NPNT: variants seen among roughly 807,000 people sequenced by gnomAD.
The protein encoded by NPNT is preosteoblast EGF-like repeat protein with MAM domain.
NPNT carries 45 observed loss-of-function variants against 68.6 expected under a neutral mutation model. The observed-to-expected ratio is 0.66, with a 90% CI of 0.52 to 0.84. The LOEUF is 0.84. Ranked by LOEUF, NPNT falls within the 40% of genes least tolerant of loss-of-function variation. The pLI is 0.00. For missense variants in NPNT, 672 were observed against 714.8 expected, an observed-to-expected ratio of 0.94 and a Z score of 0.68; for synonymous variants, 233 against 253.3, an observed-to-expected ratio of 0.92 and a Z score of 0.76.
chr4:105,900,551 G>A (rs572743506), intron 2 of NPNT, among the ~76,000 whole-genome samples: 100 of 152,304 alleles, frequency 6.6e-4, no homozygotes, highest in African/African-American at 2.3e-3. Flanking sequence ...TGGAGAAACC[G>A]ACTAATGTTG....
intron 2 of NPNT, among the ~76,000 whole-genome samples, chr4:105,908,354 A>G (rs1369929139): frequency 6.6e-6 from 1 of 152,106 alleles, no homozygotes; most frequent in Non-Finnish European, 1.5e-5. Flanking sequence ...TAATAATATA[A>G]ATTCTCCAGA....
At chr4:105,916,199 C>T (rs181915886) in intron 2 of NPNT, among the ~76,000 whole-genome samples, 34 of 151,642 alleles carry the variant, frequency 2.2e-4, no homozygotes, top group African/African-American at 7.5e-4. Flanking sequence ...AAAAGTGAAT[C>T]ATTGTTAGTA....
chr4:105,911,909 A>T (rs1167415135), intron 2 of NPNT: 1 of 330,250 alleles, frequency 3.0e-6, no homozygotes, highest in Non-Finnish European at 5.5e-6. Flanking sequence ...AGCATCACAA[A>T]AGGTCTGAAA....
intron 10 of NPNT, among the ~76,000 whole-genome samples, chr4:105,959,676 A>T (rs1731531787): frequency 6.6e-6 from 1 of 151,988 alleles, no homozygotes. Context: ...AACAAAAGGT[A>T]GATTTAGACA....
chr4:105,927,142 C>CAT, intron 2 of NPNT, 194 bp from the exon 3 acceptor site: 1 of 429,084 alleles, frequency 2.3e-6, no homozygotes, highest in Admixed American at 4.0e-5. Flanking sequence ...GATACACACA[C>CAT]ATATACATAC....
chr4:105,924,675 TA>T (rs1728553305), intron 2 of NPNT, among the ~76,000 whole-genome samples: 1 of 152,144 alleles, frequency 6.6e-6, no homozygotes, highest in Non-Finnish European at 1.5e-5. Context: ...GAGGAAACAA[TA>T]AAAACTTTGG....
intron 2 of NPNT, among the ~76,000 whole-genome samples, chr4:105,923,013 T>C (rs1728373524): frequency 6.6e-6 from 1 of 152,206 alleles, no homozygotes; most frequent in African/African-American, 2.4e-5. Context: ...CCTTTTCTGA[T>C]AGCCAGTAGC....
rs1338045020 is a variant in NPNT at position 105,968,948 on chromosome 4, T to C, written c.1656T>C (p.Asp552=). 1 of 1,613,264 alleles carries C rather than the reference T, an allele frequency of 6.2e-7. No individual in the cohort carries two copies. Among genetic ancestry groups the C allele is most frequent in the Non-Finnish European group, 8.5e-7 (1 of 1,179,432 alleles). The change falls in exon 12 of 12, where the codon GAT becomes GAC. Residue 552 remains aspartate, a synonymous_variant. Coordinates refer to ENST00000379987, the MANE Select transcript of NPNT (RefSeq NM_001033047.3). ...RRGHTGEIGL[D]DVSLKKGHCS... is the part of the protein sequence containing the mutation. ...GTCACACTGGGGAGATTGGATTAGA[T>C]GATGTGAGCTTGAAAAAAGGCCACT...
rs1316886887 is a variant in NPNT, at chr4:105,970,112, CATAACTT to C, written c.*1125_*1131del. ...GATATAAGTTTAGGCAGTTGTAGTT[CATAACTT>C]ATGTTGCTCATGTTGTGCTGTGTCA... On this transcript the variant is annotated 3_prime_UTR_variant, in exon 12 of 12. Coordinates refer to ENST00000379987, the MANE Select transcript of NPNT (RefSeq NM_001033047.3). 6 of 366,302 alleles carry C rather than the reference CATAACTT, an allele frequency of 1.6e-5. No individual in the cohort carries two copies. Among genetic ancestry groups the C allele is most frequent in the Non-Finnish European group, 3.0e-5 (6 of 200,600 alleles). The allele number at this position is 366,302 out of a possible 1,614,324, so 22.7% of individuals were successfully genotyped here.
chr4:105,951,501 T>C (rs540916044), intron 8 of NPNT, among the ~76,000 whole-genome samples: 18 of 152,338 alleles, frequency 1.2e-4, no homozygotes, highest in Admixed American at 5.9e-4. Flanking sequence ...ATGGTCTTTC[T>C]GATTCTGTGT....
In NPNT at chr4:105,895,728, G is replaced by A. The variant is rs1480568551; in HGVS notation, c.71+5G>A. On this transcript the variant is annotated splice_donor_5th_base_variant and intron_variant, in intron 1 of 11. Coordinates refer to ENST00000379987, the MANE Select transcript of NPNT (RefSeq NM_001033047.3). ...GGCCGCCGAGTTCGACGGGAGGTGA[G>A]CTGGGCCCCGGGGCGCCCTCTCCTC... The A allele has an allele frequency of 1.3e-6, 2 of 1,551,820 alleles. No individual in the cohort carries two copies. The highest frequency in any genetic ancestry group is 2.0e-5 in the Admixed American group (1 of 51,176).
rs549470564 is a variant in NPNT, at chr4:105,898,321, T to TCTC, written c.172+321_172+323dup. Among the ~76,000 whole-genome samples the TCTC allele has an allele frequency of 7.4e-4, 96 of 128,956 alleles. 2 individuals carry two copies. The South Asian group carries it at 0.021, about 28-fold the overall frequency. The allele number at this position is 128,956 out of a possible 152,430, so 84.6% of individuals were successfully genotyped here. Reference sequence around the variant, plus strand: ...CTCTCTCTCTCTCTCTGTCTCTCTCTCTCTCTGTCTCTCTCTCTCTCTCTC... The same window carrying TCTC: ...CTCTCTCTCTCTCTCTGTCTCTCTCTCTCCTCTCTGTCTCTCTCTCTCTCTCTC... On this transcript the variant is annotated intron_variant, in intron 2 of 11. Transcript: ENST00000379987.
intron 2 of NPNT, among the ~76,000 whole-genome samples, chr4:105,923,591 T>G (rs1253369219): frequency 1.3e-5 from 2 of 152,144 alleles, no homozygotes; most frequent in African/African-American, 4.8e-5. Flanking sequence ...TATTATGACT[T>G]CTTGCTCTAC....
chr4:105,905,995 A>G (rs765552407), intron 2 of NPNT, among the ~76,000 whole-genome samples: 10 of 152,192 alleles, frequency 6.6e-5, no homozygotes, highest in Non-Finnish European at 1.2e-4. Flanking sequence ...TTTATGCCCT[A>G]TCTTGTTTGG....
intron 2 of NPNT, among the ~76,000 whole-genome samples, chr4:105,923,986 T>A (rs575338536): frequency 6.6e-5 from 10 of 152,184 alleles, no homozygotes; most frequent in South Asian, 2.1e-4. Context: ...CACTTTACAC[T>A]GTAGCCCCAC....
chr4:105,943,126 T>C (rs746149716), intron 8 of NPNT, among the ~76,000 whole-genome samples: 2 of 152,206 alleles, frequency 1.3e-5, no homozygotes, highest in Non-Finnish European at 2.9e-5. Flanking sequence ...CATGTAAAGA[T>C]AAAACAGAAA....
intron 2 of NPNT, among the ~76,000 whole-genome samples, chr4:105,904,611 G>C (rs892519676): frequency 7.2e-5 from 11 of 152,102 alleles, no homozygotes; most frequent in African/African-American, 2.7e-4. Context: ...TCATTTACTT[G>C]TAAGAAAGAG....
At chr4:105,949,461 G>A (rs1388867011) in intron 8 of NPNT, among the ~76,000 whole-genome samples, 1 of 152,110 alleles carries the variant, frequency 6.6e-6, no homozygotes, top group African/African-American at 2.4e-5. Context: ...TGAGGGTTGG[G>A]GAGGGCAGAA....
chr4:105,940,326 C>A, intron 6 of NPNT, 117 bp downstream of exon 6: 1 of 1,137,374 alleles, frequency 8.8e-7, no homozygotes, highest in Non-Finnish European at 1.3e-6. Context: ...TTAAGTTAAA[C>A]CAACAGACAT....
Sources: allele counts gnomAD v4.1 joint callset (sites outside exome capture counted in the v4.1 genomes callset), GRCh38; gene constraint gnomAD v4.1.1; transcripts MANE v1.5; gene names NCBI Gene and HGNC (gene_info 2026-07-23, HGNC 2026-07-21).